The following DCP2 variants were observed in gnomAD, a reference collection of about 807,000 sequenced individuals.
DCP2 encodes the protein m7GpppN-mRNA hydrolase.
In DCP2, 30 loss-of-function variants were observed where a neutral mutation model predicts 56.1. The ratio of observed to expected loss-of-function variants is 0.53; its 90% confidence interval spans 0.40 to 0.73. The LOEUF is 0.73. Ranked by LOEUF, DCP2 falls within the 30% of genes least tolerant of loss-of-function variation. DCP2 has a pLI of 0.00. For missense variants in DCP2, 533 were observed against 502.7 expected, an observed-to-expected ratio of 1.06 and a Z score of -0.58; for synonymous variants, 197 against 163.3, an observed-to-expected ratio of 1.21 and a Z score of -1.57.
In DCP2 at chr5:112,987,460, C is replaced by T. The variant is rs560053255; in HGVS notation, c.205+1474C>T. 1.8e-4 allele frequency among the ~76,000 whole-genome samples: 28 copies of T among 151,944 alleles called. No homozygotes were observed. The East Asian group carries it at 4.5e-3, about 24-fold the overall frequency. On this transcript the variant is annotated intron_variant, in intron 2 of 10. Coordinates refer to ENST00000389063, the MANE Select transcript of DCP2 (RefSeq NM_152624.6). Reference sequence around the variant, plus strand: ...CACTTTGATTTTTATTCCCCCCGCCCGCCCGACAAACCGAGACAGCCTCAC... The same window carrying T: ...CACTTTGATTTTTATTCCCCCCGCCTGCCCGACAAACCGAGACAGCCTCAC...
At chr5:113,007,884 T>C in intron 8 of DCP2, 54 bp from the exon 9 acceptor site, 2 of 1,464,444 alleles carry the variant, frequency 1.4e-6, no homozygotes, top group East Asian at 4.7e-5. Flanking sequence ...GTATTTTTTT[T>C]GTGCTATTAC....
At chr5:112,997,928 T>C (rs1399824087) in intron 4 of DCP2, among the ~76,000 whole-genome samples, 5 of 152,062 alleles carry the variant, frequency 3.3e-5, no homozygotes, top group Admixed American at 2.6e-4. Flanking sequence ...GGTAACACTT[T>C]AAAAAAAATT....
At chr5:113,008,862 T>TG (rs1749557450) in intron 9 of DCP2, among the ~76,000 whole-genome samples, 1 of 151,942 alleles carries the variant, frequency 6.6e-6, no homozygotes, top group African/African-American at 2.4e-5. Flanking sequence ...TTTTTTTTTT[T>TG]GAGATTGAGT....
rs562254738 is a variant in DCP2 at position 112,987,620 on chromosome 5, C to CTTTTTTTTTTTTTTT, written c.205+1645_205+1659dup. Among the ~76,000 whole-genome samples, 470 of 69,754 alleles carry CTTTTTTTTTTTTTTT rather than the reference C, an allele frequency of 6.7e-3. 3 individuals carry two copies. Among genetic ancestry groups the CTTTTTTTTTTTTTTT allele is most frequent in the East Asian group, 9.2e-3 (23 of 2,488 alleles). 45.8% of individuals were successfully genotyped at this position (69,754 alleles called of 152,430 possible). On this transcript the variant is annotated intron_variant, in intron 2 of 10. Coordinates refer to ENST00000389063, the MANE Select transcript of DCP2 (RefSeq NM_152624.6). ...GGTGCAAGCCACCACACCTAGGTGC[C>CTTTTTTTTTTTTTTT]TTTTTTTTTTTTTTTTTTTTTTTTT...
Position 113,001,413 on chromosome 5 carries a change from C to A in DCP2, c.642C>A (p.Pro214=). 6.2e-7 allele frequency: 1 copy of A among 1,614,044 alleles called. No individual in the cohort carries two copies. The highest frequency in any genetic ancestry group is 8.5e-7 in the Non-Finnish European group (1 of 1,180,004). ...KLPCHRNDMT[P]KSKLGLAPNK... ...CTTGTCATAGAAATGATATGACCCC[C>A]AAATCCAAACTTGGTTTGGCACCTA... is the stretch of plus-strand genomic sequence containing the variant. The change falls in exon 6 of 11, where the codon CCC becomes CCA. Residue 214 remains proline, a synonymous_variant. Transcript: ENST00000389063.
Position 112,995,582 on chromosome 5 carries a change from G to A in DCP2, c.432+2812G>A, listed in dbSNP as rs78288455. ...GAGGGAAGCACAGGCATCCTGAAGA[G>A]CCGTAGTCTCTTAATTTCAGGGAGA... is the stretch of plus-strand genomic sequence containing the variant. On this transcript the variant is annotated intron_variant, in intron 4 of 10. Coordinates refer to ENST00000389063, the MANE Select transcript of DCP2 (RefSeq NM_152624.6). 7.5e-3 allele frequency among the ~76,000 whole-genome samples: 1,148 copies of A among 152,302 alleles called. 20 individuals are homozygous for A. The highest frequency in any genetic ancestry group is 0.026 in the African/African-American group (1,099 of 41,550).
At chr5:112,988,905 G>C (rs998815948) in intron 2 of DCP2, among the ~76,000 whole-genome samples, 6 of 152,182 alleles carry the variant, frequency 3.9e-5, no homozygotes, top group African/African-American at 1.4e-4. Context: ...CATTTTGTGT[G>C]TGTTTGCACA....
chr5:112,977,271 C>T (rs539431400), intron 1 of DCP2, among the ~76,000 whole-genome samples: 1 of 152,302 alleles, frequency 6.6e-6, no homozygotes, highest in Non-Finnish European at 1.5e-5. Context: ...GTAGCCGCTT[C>T]GCCGGAGCCT....
intron 2 of DCP2, among the ~76,000 whole-genome samples, chr5:112,986,920 T>C (rs1382344427): frequency 1.3e-5 from 2 of 152,156 alleles, no homozygotes; most frequent in East Asian, 3.9e-4. Flanking sequence ...GGAGGGTCTC[T>C]TGAGCCTGGG....
At chr5:112,989,526 T>G (rs1039029602) in intron 2 of DCP2, among the ~76,000 whole-genome samples, 1 of 152,168 alleles carries the variant, frequency 6.6e-6, no homozygotes, top group Non-Finnish European at 1.5e-5. Context: ...TACTGTATTT[T>G]AGACTAAATG....
chr5:112,982,564 G>A (rs1197265127), intron 1 of DCP2, among the ~76,000 whole-genome samples: 1 of 152,270 alleles, frequency 6.6e-6, no homozygotes, highest in African/African-American at 2.4e-5. Flanking sequence ...GTTCCCACAT[G>A]GTCTAGCGTC....
chr5:113,006,435 A>G (rs538037025), intron 8 of DCP2, among the ~76,000 whole-genome samples: 11 of 152,202 alleles, frequency 7.2e-5, no homozygotes, highest in Non-Finnish European at 1.5e-4. Context: ...AATTGTATGT[A>G]TTTTGTACCA....
chr5:112,977,547 C>T (rs1341640741), intron 1 of DCP2, among the ~76,000 whole-genome samples: 3 of 151,870 alleles, frequency 2.0e-5, no homozygotes, highest in Non-Finnish European at 4.4e-5. Flanking sequence ...TTTTTTTTCT[C>T]ATCCCTGGAC....
intron 9 of DCP2, among the ~76,000 whole-genome samples, chr5:113,009,659 T>C (rs1040994130): frequency 6.7e-6 from 1 of 148,838 alleles, no homozygotes; most frequent in Non-Finnish European, 1.5e-5. Flanking sequence ...GAAGAAGATA[T>C]TAAATACAGT....
At position 112,985,937 on chromosome 5, in the gene DCP2, G is replaced by A. The variant is rs947773456; in HGVS notation, c.156G>A (p.Gln52=). 6.2e-7 allele frequency: 1 copy of A among 1,604,052 alleles called. No individual in the cohort carries two copies. The highest frequency in any genetic ancestry group is 1.7e-5 in the Admixed American group (1 of 59,968). ...AHWFYLDFYM[Q]NTPGLPQCGI... ...GGTTTTACTTGGATTTCTACATGCA[G>A]AACACACCAGGATTACCTCAGTGTG... The change falls in exon 2 of 11, where the codon CAG becomes CAA. Residue 52 remains glutamine (Q), a synonymous_variant. Coordinates refer to ENST00000389063, the MANE Select transcript of DCP2 (RefSeq NM_152624.6).
At chr5:112,983,660 G>T (rs536953425) in intron 1 of DCP2, among the ~76,000 whole-genome samples, 1 of 152,186 alleles carries the variant, frequency 6.6e-6, no homozygotes, top group East Asian at 1.9e-4. Flanking sequence ...TCACAACACT[G>T]GGGATGGAAG....
chr5:112,983,507 G>A (rs1204321654), intron 1 of DCP2, among the ~76,000 whole-genome samples: 2 of 152,194 alleles, frequency 1.3e-5, no homozygotes, highest in East Asian at 1.9e-4. Context: ...GTACTACCAT[G>A]CCTGGCAAGG....
At chr5:112,985,252 G>A (rs33547) in intron 1 of DCP2, among the ~76,000 whole-genome samples, 17,294 of 151,972 alleles carry the variant, frequency 0.11, 1,182 homozygotes, top group East Asian at 0.21. Context: ...TAATATAAAT[G>A]TATATTTATA....
chr5:112,993,693 C>G (rs897685902), intron 4 of DCP2, among the ~76,000 whole-genome samples: 1 of 150,676 alleles, frequency 6.6e-6, no homozygotes, highest in Non-Finnish European at 1.5e-5. Context: ...CCTGGAATGT[C>G]CTCTCTTGTT....
Sources: gnomAD v4.1 joint callset for allele counts (sites outside exome capture counted in the v4.1 genomes callset) on GRCh38, gnomAD v4.1.1 for gene constraint, MANE v1.5 for transcripts, NCBI Gene and HGNC (gene_info 2026-07-23, HGNC 2026-07-21) for gene names.